Variants in RNPC3 observed in about 807,000 individuals in gnomAD.
RNPC3 encodes RNA-binding region-containing protein 3.
A neutral mutation model predicts 67.5 loss-of-function variants in RNPC3; 48 were observed. That is an observed-to-expected ratio of 0.71 (90% CI 0.56 to 0.90). The LOEUF is 0.90. RNPC3 is among the 40% of genes least tolerant of loss of function. RNPC3 has a pLI of 0.00. For synonymous variants in RNPC3, 239 were observed against 210.3 expected (o/e 1.14, Z -1.18); for missense variants, 637 against 626.1 (o/e 1.02, Z -0.19).
intron 2 of RNPC3, among the ~76,000 whole-genome samples, chr1:103,529,250 G>A (rs1490850506): frequency 1.3e-5 from 2 of 152,040 alleles, no homozygotes; most frequent in African/African-American, 2.4e-5. Flanking sequence ...TTTTATAATG[G>A]TAGGTAATTT....
chr1:103,550,965 A>C lies in RNPC3; in HGVS notation c.1386A>C (p.Glu462Asp), dbSNP rs754490453. 2 of 1,611,550 alleles carry C rather than the reference A, an allele frequency of 1.2e-6. No individual in the cohort carries two copies. Among genetic ancestry groups the C allele is most frequent in the South Asian group, 2.2e-5 (2 of 90,892 alleles). Residue 462 changes from glutamate (E) to aspartate (D), a missense_variant, in exon 13 of 15, where the codon GAA (glutamate) becomes GAC (aspartate). Glu to Asp is a conservative substitution (Grantham distance 45). Transcript: ENST00000423855. ...GGTTTGATATACGTTTGATGAAAGA[A>C]GGTCGTATGAAAGGACAAGCTTTCA... Reference protein sequence around the residue: ...RIMFDIRLMKEGRMKGQAFIG... With the variant: ...RIMFDIRLMKDGRMKGQAFIG...
At chr1:103,536,686 A>G (rs1231210768) in intron 6 of RNPC3, among the ~76,000 whole-genome samples, 2 of 152,192 alleles carry the variant, frequency 1.3e-5, no homozygotes, top group Non-Finnish European at 2.9e-5. Context: ...AAAATTATTA[A>G]TACTTTGAGT....
intron 1 of RNPC3, among the ~76,000 whole-genome samples, chr1:103,526,651 G>A (rs1488231262): frequency 1.3e-5 from 2 of 152,118 alleles, no homozygotes; most frequent in Admixed American, 6.5e-5. Context: ...TCATTTATAA[G>A]CCAATGTTAA....
At position 103,525,915 on chromosome 1, in the gene RNPC3, C is replaced by G; in HGVS notation, c.-156C>G. On this transcript the variant is annotated 5_prime_UTR_variant, in exon 1 of 15. Coordinates refer to ENST00000423855, the MANE Select transcript of RNPC3 (RefSeq NM_017619.4). Reference sequence around the variant, plus strand: ...GAAGGGTTGCCGCTTTTCGGTGGCGCAGTTCTCGCGAGAAGGTGACTTTCT... The same window carrying G: ...GAAGGGTTGCCGCTTTTCGGTGGCGGAGTTCTCGCGAGAAGGTGACTTTCT... 1 of 630,412 alleles carries G rather than the reference C, an allele frequency of 1.6e-6. No homozygotes were observed. The highest frequency in any genetic ancestry group is 2.7e-6 in the Non-Finnish European group (1 of 369,994). The allele number at this position is 630,412 out of a possible 1,614,324, so 39.1% of individuals were successfully genotyped here. A position where few individuals can be genotyped will look rare whatever the true frequency, so the allele number is the denominator to read the frequency against.
In RNPC3 at chr1:103,525,894, G is replaced by A. The variant is rs1650687490; in HGVS notation, c.-177G>A. ...GCCCTTCCCCGAAGAGTCTTCGAAG[G>A]GTTGCCGCTTTTCGGTGGCGCAGTT... On this transcript the variant is annotated 5_prime_UTR_variant, in exon 1 of 15. Transcript: ENST00000423855. 1 of 594,450 alleles carries A rather than the reference G, an allele frequency of 1.7e-6. No individual in the cohort carries two copies. Among genetic ancestry groups the A allele is most frequent in the African/African-American group, 1.9e-5 (1 of 53,354 alleles). The allele number at this position is 594,450 out of a possible 1,614,324, so 36.8% of individuals were successfully genotyped here. A position where few individuals can be genotyped will look rare whatever the true frequency, so the allele number is the denominator to read the frequency against.
intron 10 of RNPC3, chr1:103,545,944 ATTTT>A (rs1651231627): frequency 6.4e-6 from 1 of 156,022 alleles, no homozygotes; most frequent in African/African-American, 2.4e-5. Flanking sequence ...GAAGTCTGAA[ATTTT>A]TAAAACAAAA....
intron 2 of RNPC3, among the ~76,000 whole-genome samples, chr1:103,533,432 T>G (rs1165562446): frequency 6.6e-6 from 1 of 152,056 alleles, no homozygotes; most frequent in Non-Finnish European, 1.5e-5. Context: ...TTTGTGGTAG[T>G]TTTTATAAAT....
chr1:103,545,021 G>A lies in RNPC3; in HGVS notation c.1126G>A (p.Glu376Lys). Residue 376 changes from glutamate to lysine, a missense_variant, in exon 10 of 15, where the codon GAG becomes AAG. Around this residue, in one of 3 missense-constraint regions of RNPC3, gnomAD observed 536 missense variants for 500.3 expected, o/e 1.07. Transcript: ENST00000423855. ...FPKPNLDITE[E>K]IKEDSDEMPS... ...CAAACCTAATTTGGACATCACAGAGGAGATTAAAGAAGACTCTGATGAAAT... is the reference window on the plus strand; with the variant it reads ...CAAACCTAATTTGGACATCACAGAGAAGATTAAAGAAGACTCTGATGAAAT... 1 of 1,534,518 alleles carries A rather than the reference G, an allele frequency of 6.5e-7. No individual in the cohort carries two copies. Among genetic ancestry groups the A allele is most frequent in the Non-Finnish European group, 8.7e-7 (1 of 1,145,072 alleles).
At chr1:103,535,852 G>A (rs957595809) in intron 5 of RNPC3, among the ~76,000 whole-genome samples, 2 of 151,972 alleles carry the variant, frequency 1.3e-5, no homozygotes, top group African/African-American at 4.8e-5. Context: ...TTGGGTTAAA[G>A]ATATAAAATC....
intron 12 of RNPC3, among the ~76,000 whole-genome samples, chr1:103,548,533 C>G (rs887164668): frequency 6.6e-6 from 1 of 152,166 alleles, no homozygotes; most frequent in African/African-American, 2.4e-5. Context: ...CCAACAAGTT[C>G]CACATCTCCA....
chr1:103,534,885 G>A, intron 4 of RNPC3, 28 bp downstream of exon 4: 1 of 1,410,218 alleles, frequency 7.1e-7, no homozygotes, highest in East Asian at 2.5e-5. Context: ...CTTTTCTTTT[G>A]CTTTTGTTCT....
intron 13 of RNPC3, 99 bp downstream of exon 13, chr1:103,551,172 C>A: frequency 1.0e-6 from 1 of 995,892 alleles, no homozygotes. Context: ...CCACAATTGG[C>A]ATTCTAGCAG....
At chr1:103,528,055 G>T (rs1650759844) in intron 2 of RNPC3, among the ~76,000 whole-genome samples, 1 of 152,168 alleles carries the variant, frequency 6.6e-6, no homozygotes, top group Non-Finnish European at 1.5e-5. Context: ...TCTTTATAAT[G>T]CCAGGGAATC....
At chr1:103,533,002 G>A (rs918972424) in intron 2 of RNPC3, among the ~76,000 whole-genome samples, 7 of 151,990 alleles carry the variant, frequency 4.6e-5, no homozygotes, top group African/African-American at 1.2e-4. Flanking sequence ...ATACTGATAC[G>A]GATAATCCAA....
intron 2 of RNPC3, among the ~76,000 whole-genome samples, chr1:103,529,530 A>C (rs981687334): frequency 5.9e-5 from 9 of 152,172 alleles, no homozygotes; most frequent in African/African-American, 2.2e-4. Context: ...TAGAGTAAGT[A>C]GCCGAGTCAG....
Position 103,546,987 on chromosome 1 carries a change from A to G in RNPC3, c.1313A>G (p.Tyr438Cys). 1 of 1,481,056 alleles carries G rather than the reference A, an allele frequency of 6.8e-7. No homozygotes were observed. Among genetic ancestry groups the G allele is most frequent in the Non-Finnish European group, 9.1e-7 (1 of 1,103,014 alleles). The allele number at this position is 1,481,056 out of a possible 1,614,324, so 91.7% of individuals were successfully genotyped here. Residue 438 changes from tyrosine (Y) to cysteine (C), a missense_variant, in exon 12 of 15, where the codon TAT (tyrosine) becomes TGT (cysteine). Coordinates refer to ENST00000423855, the MANE Select transcript of RNPC3 (RefSeq NM_017619.4). Reference sequence around the variant, plus strand: ...TTATTGAAATTCTAGGACCTTAAATATATTTTTGGAAGATATGTTGACTTT... The same window carrying G: ...TTATTGAAATTCTAGGACCTTAAATGTATTTTTGGAAGATATGTTGACTTT... ...AKHVQEKDLK[Y>C]IFGRYVDFSS...
intron 2 of RNPC3, among the ~76,000 whole-genome samples, chr1:103,533,404 T>C (rs1650908027): frequency 6.6e-6 from 1 of 152,066 alleles, no homozygotes; most frequent in African/African-American, 2.4e-5. Flanking sequence ...TGTGGCATAA[T>C]TAAAAATCAC....
intron 7 of RNPC3, among the ~76,000 whole-genome samples, chr1:103,541,024 G>T (rs1651112402): frequency 6.6e-6 from 1 of 152,022 alleles, no homozygotes. Context: ...ATTGTATCTT[G>T]TTCAGCCGTT....
intron 9 of RNPC3, 125 bp from the exon 10 acceptor site, chr1:103,544,816 T>C (rs1289536714): frequency 3.6e-6 from 2 of 559,166 alleles, no homozygotes; most frequent in African/African-American, 3.9e-5. Flanking sequence ...TTTAGTATAT[T>C]GAGAAACACC....
Sources: gnomAD v4.1 joint callset for allele counts (sites outside exome capture counted in the v4.1 genomes callset) on GRCh38, gnomAD v4.1.1 for gene constraint, gnomAD v4.1.1 regional missense constraint, MANE v1.5 for transcripts, NCBI Gene and HGNC (gene_info 2026-07-23, HGNC 2026-07-21) for gene names.